Variants in MSRA observed in about 807,000 individuals in gnomAD.
MSRA encodes the protein methionine sulfoxide reductase A.
Under a neutral mutation model 31.3 loss-of-function variants are expected in MSRA, and 54 were observed. That is an observed-to-expected ratio of 1.73 (90% CI 1.39 to 2.17). The LOEUF is 2.17. Among genes scored for constraint, MSRA ranks in the 30% most tolerant of loss-of-function variants. The pLI is 0.00. For missense variants in MSRA, 507 were observed against 300.9 expected (o/e 1.69, Z -5.07); for synonymous variants, 169 against 116.5 (o/e 1.45, Z -2.90).
At chr8:10,152,235 G>C (rs927326428) in intron 1 of MSRA, among the ~76,000 whole-genome samples, 1 of 152,118 alleles carries the variant, frequency 6.6e-6, no homozygotes, top group South Asian at 2.1e-4. Flanking sequence ...GTATATGTGT[G>C]TATCTAAAAA....
In MSRA at chr8:10,422,528, C is replaced by T. The variant is rs1037426160; in HGVS notation, c.544-5620C>T. Among the ~76,000 whole-genome samples the T allele has an allele frequency of 8.5e-5, 13 of 152,294 alleles. No individual in the cohort carries two copies. The East Asian group carries it at 1.5e-3, about 18-fold the overall frequency. Reference sequence around the variant, plus strand: ...TCCAGAAATTCCCTGGGCCAGGTGTCGCCCCACATGTGTTACTGTATGCAG... The same window carrying T: ...TCCAGAAATTCCCTGGGCCAGGTGTTGCCCCACATGTGTTACTGTATGCAG... On this transcript the variant is annotated intron_variant, in intron 5 of 5. Transcript: ENST00000317173.
intron 1 of MSRA, among the ~76,000 whole-genome samples, chr8:10,119,176 G>C (rs1489508836): frequency 1.3e-5 from 2 of 152,218 alleles, no homozygotes; most frequent in African/African-American, 4.8e-5. Context: ...ACATGTGATA[G>C]CGAATTAAAG....
At chr8:10,311,473 G>T (rs890494787) in intron 4 of MSRA, among the ~76,000 whole-genome samples, 1 of 86,298 alleles carries the variant, frequency 1.2e-5, no homozygotes, top group Non-Finnish European at 2.9e-5. Flanking sequence ...CCCCACACCT[G>T]GGGGGGCGCC....
chr8:10,301,787 G>A (rs929913633), intron 4 of MSRA, 149 bp downstream of exon 4: 2 of 693,266 alleles, frequency 2.9e-6, no homozygotes, highest in Non-Finnish European at 2.3e-6. Flanking sequence ...GGAGAGGAGG[G>A]GCTGGGGAGA....
At chr8:10,129,302 C>T (rs1376582609) in intron 1 of MSRA, among the ~76,000 whole-genome samples, 1 of 152,114 alleles carries the variant, frequency 6.6e-6, no homozygotes. Context: ...GAGAAACAAA[C>T]TCGGGCTTCA....
chr8:10,362,308 A>G lies in MSRA; in HGVS notation c.543+42319A>G, dbSNP rs886154461. On this transcript the variant is annotated intron_variant, in intron 5 of 5. Transcript: ENST00000317173. ...ATGAAAACAGGACCTCTTGCCAAAG[A>G]GAAATATTTTGTGATTAGTGCTTGC... 3.9e-5 allele frequency among the ~76,000 whole-genome samples: 6 copies of G among 152,084 alleles called. No individual in the cohort carries two copies. The South Asian group carries it at 6.2e-4, about 16-fold the overall frequency.
chr8:10,383,572 TGA>T, intron 5 of MSRA, among the ~76,000 whole-genome samples: 1 of 41,912 alleles, frequency 2.4e-5, no homozygotes, highest in Non-Finnish European at 6.7e-5. Context: ...GGTTTCAGGT[TGA>T]CGGTGAGTTT....
chr8:10,094,090 T>C (rs1444741210), intron 1 of MSRA, among the ~76,000 whole-genome samples: 1 of 152,248 alleles, frequency 6.6e-6, no homozygotes, highest in Non-Finnish European at 1.5e-5. Context: ...ACAAATTCAC[T>C]GTTAGTCTGC....
intron 5 of MSRA, among the ~76,000 whole-genome samples, chr8:10,328,446 A>T (rs145794366): frequency 5.9e-5 from 9 of 151,942 alleles, no homozygotes; most frequent in African/African-American, 2.2e-4. Context: ...GTTCACTCTC[A>T]TGATTTAAGC....
intron 5 of MSRA, among the ~76,000 whole-genome samples, chr8:10,362,371 C>G (rs972795477): frequency 6.6e-6 from 1 of 150,826 alleles, no homozygotes; most frequent in African/African-American, 2.4e-5. Context: ...TCCTCCCTTT[C>G]TCCTCCTGCA....
chr8:10,172,997 G>A (rs1037942814), intron 1 of MSRA, among the ~76,000 whole-genome samples: 6 of 152,206 alleles, frequency 3.9e-5, no homozygotes, highest in African/African-American at 7.2e-5. Flanking sequence ...GTGAAGCAGG[G>A]AGAGGATAGG....
chr8:10,096,105 G>C, intron 1 of MSRA: 1 of 1,301,778 alleles, frequency 7.7e-7, no homozygotes, highest in Non-Finnish European at 1.0e-6. Flanking sequence ...ACTTTTCAAG[G>C]AGCCTTTCTA....
chr8:10,199,806 C>G (rs1254081063), intron 1 of MSRA, among the ~76,000 whole-genome samples: 1 of 152,134 alleles, frequency 6.6e-6, no homozygotes, highest in African/African-American at 2.4e-5. Context: ...TAGGATTTTT[C>G]TTAATAACTG....
At chr8:10,219,973 C>G (rs1810351467) in intron 2 of MSRA, among the ~76,000 whole-genome samples, 1 of 151,638 alleles carries the variant, frequency 6.6e-6, no homozygotes, top group African/African-American at 2.4e-5. Context: ...CACTGAAAGC[C>G]TAAGAAGTGG....
At chr8:10,245,269 G>C (rs1797563621) in intron 3 of MSRA, 46 bp downstream of exon 3, 2 of 1,575,500 alleles carry the variant, frequency 1.3e-6, no homozygotes, top group Non-Finnish European at 1.7e-6. Context: ...AACAAGGGAG[G>C]GCTTGTCACT....
At chr8:10,136,031 G>C (rs555620748) in intron 1 of MSRA, among the ~76,000 whole-genome samples, 1 of 149,804 alleles carries the variant, frequency 6.7e-6, no homozygotes, top group Non-Finnish European at 1.5e-5. Flanking sequence ...GGTGAGTTAG[G>C]GCTGACTGTG....
chr8:10,316,193 C>T (rs1170567661), intron 4 of MSRA, among the ~76,000 whole-genome samples: 2 of 151,760 alleles, frequency 1.3e-5, no homozygotes, highest in Admixed American at 1.3e-4. Context: ...TAGAAGAGAG[C>T]CACATAATAT....
chr8:10,100,201 T>C (rs1799440379), intron 1 of MSRA, among the ~76,000 whole-genome samples: 1 of 152,028 alleles, frequency 6.6e-6, no homozygotes, highest in Non-Finnish European at 1.5e-5. Context: ...GGGATGTAAA[T>C]GGGTTGCTGA....
At chr8:10,085,372 T>C (rs967713232) in intron 1 of MSRA, among the ~76,000 whole-genome samples, 1 of 152,206 alleles carries the variant, frequency 6.6e-6, no homozygotes, top group East Asian at 1.9e-4. Flanking sequence ...CTCCAAACTT[T>C]GTCGTGCTCA....
Sources: gnomAD v4.1 joint callset for allele counts (sites outside exome capture counted in the v4.1 genomes callset) on GRCh38, gnomAD v4.1.1 for gene constraint, MANE v1.5 for transcripts, NCBI Gene and HGNC (gene_info 2026-07-23, HGNC 2026-07-21) for gene names.